Variants in ARHGAP39 observed in about 807,000 individuals in gnomAD.
ARHGAP39 encodes the protein Rho GTPase activating protein 39.
A neutral mutation model predicts 106.9 loss-of-function variants in ARHGAP39; 44 were observed. The ratio of observed to expected loss-of-function variants is 0.41; its 90% CI spans 0.32 to 0.53. The LOEUF (loss-of-function observed/expected upper bound fraction) is 0.53. Among genes scored for constraint, ARHGAP39 ranks in the 20% least tolerant of loss-of-function variants. The pLI is 0.21. For synonymous variants in ARHGAP39, 768 were observed against 693.2 expected, an observed-to-expected ratio of 1.11 and a Z score of -1.69; for missense variants, 1,496 against 1,577.3, an observed-to-expected ratio of 0.95 and a Z score of 0.87.
At chr8:144,678,670 C>T (rs1822307233) in intron 1 of ARHGAP39, among the ~76,000 whole-genome samples, 1 of 152,244 alleles carries the variant, frequency 6.6e-6, no homozygotes, top group Non-Finnish European at 1.5e-5. Context: ...AGCCTGGCGC[C>T]ATCCTGTGCA....
At chr8:144,688,395 A>AAAATTGTACCATTTTACATTCC (rs1822677377), upstream of ARHGAP39, among the ~76,000 whole-genome samples, 1 of 151,856 alleles carries the variant, frequency 6.6e-6, no homozygotes, top group Non-Finnish European at 1.5e-5. Context: ...GTGAGCCACC[A>AAAATTGTACCATTTTACATTCC]CACCTGGCCA....
rs1819401515 is a variant in ARHGAP39 at position 144,591,641 on chromosome 8, G to A, written c.81-10364C>T. ...CGTGCCAGAAGAGAGGCGAGGGGTG[G>A]GGGAGCAGAGGCGAGGAAGGGCAAG... On this transcript the variant is annotated intron_variant, in intron 2 of 11. Transcript: ENST00000377307. The surrounding 1 kb of genome is among the most constrained non-coding windows in gnomAD (Gnocchi z 5.3). Among the ~76,000 whole-genome samples, 1 of 152,206 alleles carries A rather than the reference G, an allele frequency of 6.6e-6. No homozygotes were observed. Among genetic ancestry groups the A allele is most frequent in the African/African-American group, 2.4e-5 (1 of 41,458 alleles).
chr8:144,693,587 A>G, the ARHGAP39 span, among the ~76,000 whole-genome samples: 1 of 134,388 alleles, frequency 7.4e-6, no homozygotes, highest in African/African-American at 2.8e-5. Flanking sequence ...GTTAGCCAGG[A>G]TCGTCTGGAT....
intron 1 of ARHGAP39, among the ~76,000 whole-genome samples, chr8:144,617,870 C>T (rs886472964): frequency 6.6e-6 from 1 of 152,180 alleles, no homozygotes; most frequent in Non-Finnish European, 1.5e-5. Context: ...TAGTCTCAAC[C>T]TCCCGGGCTC....
At chr8:144,699,889 A>G in the ARHGAP39 span, among the ~76,000 whole-genome samples, 1 of 152,160 alleles carries the variant, frequency 6.6e-6, no homozygotes, top group Non-Finnish European at 1.5e-5. Context: ...CTTCCAGGAA[A>G]GAGAGAGCTG....
intron 8 of ARHGAP39, 27 bp from the exon 9 acceptor site, chr8:144,533,352 TCTGGC>T: frequency 6.2e-7 from 1 of 1,602,838 alleles, no homozygotes; most frequent in Non-Finnish European, 8.5e-7. Flanking sequence ...TCCGTCCTGG[TCTGGC>T]CTGGCCATCC....
At chr8:144,553,836 C>T (rs992815194) in intron 4 of ARHGAP39, among the ~76,000 whole-genome samples, 1 of 152,224 alleles carries the variant, frequency 6.6e-6, no homozygotes, top group African/African-American at 2.4e-5. Flanking sequence ...CCCAACGCAG[C>T]GGCAAGGCCT....
intron 1 of ARHGAP39, among the ~76,000 whole-genome samples, chr8:144,614,137 T>C (rs1032791212): frequency 1.3e-5 from 2 of 152,226 alleles, no homozygotes; most frequent in Non-Finnish European, 2.9e-5. Flanking sequence ...TGTTCAGTCT[T>C]TCCTGTTGCT....
At chr8:144,626,716 G>A (rs914398131) in intron 1 of ARHGAP39, among the ~76,000 whole-genome samples, 3 of 152,200 alleles carry the variant, frequency 2.0e-5, no homozygotes, top group Non-Finnish European at 4.4e-5. Context: ...GACCCCCACG[G>A]CCCGTCTCCA....
intron 3 of ARHGAP39, among the ~76,000 whole-genome samples, chr8:144,574,389 G>C (rs1054125421): frequency 6.6e-6 from 1 of 152,038 alleles, no homozygotes; most frequent in Non-Finnish European, 1.5e-5. Context: ...AAAAAAATTA[G>C]GCTGGGTGTG....
At chr8:144,631,154 G>A (rs999663713) in intron 1 of ARHGAP39, among the ~76,000 whole-genome samples, 3 of 152,174 alleles carry the variant, frequency 2.0e-5, no homozygotes, top group South Asian at 2.1e-4. Context: ...CATCGCCAAG[G>A]GGGTGGGCCA....
In ARHGAP39 at chr8:144,643,565, C is replaced by T. The variant is rs542030088; in HGVS notation, c.-81-37870G>A. Among the ~76,000 whole-genome samples the T allele has an allele frequency of 2.2e-4, 34 of 152,316 alleles. 1 individual carries two copies. The highest frequency in any genetic ancestry group is 4.1e-4 in the South Asian group (2 of 4,828). On this transcript the variant is annotated intron_variant, in intron 1 of 11. Coordinates refer to ENST00000377307, the MANE Select transcript of ARHGAP39 (RefSeq NM_025251.3). ...CCGCATGTCCCCACAGTTCCTTTGACGAAGTGGCCTCCATCTCCTCACCTT... is the reference window on the plus strand; with the variant it reads ...CCGCATGTCCCCACAGTTCCTTTGATGAAGTGGCCTCCATCTCCTCACCTT...
chr8:144,685,955 CGCATGCGCTGGCGCGCG>C (rs1471500019), upstream of ARHGAP39, among the ~76,000 whole-genome samples: 1 of 151,144 alleles, frequency 6.6e-6, no homozygotes, highest in Admixed American at 6.6e-5. Flanking sequence ...GGCCGCATCA[CGCATGCGCTGGCGCGCG>C]GCATGCCGGG....
intron 8 of ARHGAP39, 105 bp from the exon 9 acceptor site, chr8:144,533,430 G>T (rs536978556): frequency 5.7e-5 from 66 of 1,158,512 alleles, no homozygotes; most frequent in Non-Finnish European, 7.5e-5. Flanking sequence ...GCGCTCTTCA[G>T]AATTCCTGCC....
At chr8:144,643,458 GA>G (rs1223465614) in intron 1 of ARHGAP39, among the ~76,000 whole-genome samples, 3 of 152,072 alleles carry the variant, frequency 2.0e-5, no homozygotes, top group Non-Finnish European at 4.4e-5. Context: ...ATCTCAAAAA[GA>G]AAAACAAAAG....
chr8:144,622,932 G>A (rs1820841747), intron 1 of ARHGAP39, among the ~76,000 whole-genome samples: 2 of 152,358 alleles, frequency 1.3e-5, no homozygotes, highest in South Asian at 4.1e-4. Context: ...GGCTGAGACT[G>A]GGAGGGTTTA....
At chr8:144,642,504 T>C (rs1821337605) in intron 1 of ARHGAP39, among the ~76,000 whole-genome samples, 1 of 147,540 alleles carries the variant, frequency 6.8e-6, no homozygotes, top group African/African-American at 2.5e-5. Context: ...AAAAAATAGA[T>C]AAAAATTAAA....
intron 3 of ARHGAP39, among the ~76,000 whole-genome samples, chr8:144,575,192 T>C (rs575050342): frequency 1.3e-5 from 2 of 152,292 alleles, no homozygotes; most frequent in East Asian, 1.9e-4. Flanking sequence ...GCAGTTGCCG[T>C]GCGTGTCGGT....
At chr8:144,553,264 AC>A (rs1480787386) in intron 4 of ARHGAP39, among the ~76,000 whole-genome samples, 1 of 152,102 alleles carries the variant, frequency 6.6e-6, no homozygotes, top group East Asian at 1.9e-4. Flanking sequence ...AGGCCCTCTC[AC>A]TGACTCCCCA....
Sources: gnomAD v4.1 joint callset for allele counts (sites outside exome capture counted in the v4.1 genomes callset) on GRCh38, gnomAD v4.1.1 for gene constraint, Gnocchi (gnomAD v3.1) non-coding constraint, MANE v1.5 for transcripts, NCBI Gene and HGNC (gene_info 2026-07-23, HGNC 2026-07-21) for gene names.